The following SLC25A26 variants were observed in gnomAD, a reference collection of about 807,000 sequenced individuals.
SLC25A26 encodes mitochondrial S-adenosylmethionine carrier protein.
A neutral mutation model predicts 37.8 loss-of-function variants in SLC25A26; 36 were observed. The ratio of observed to expected loss-of-function variants is 0.95; its 90% CI spans 0.73 to 1.26. The LOEUF (loss-of-function observed/expected upper bound fraction) is 1.26, where lower values mean the gene tolerates loss of function less well. Ranked by LOEUF, SLC25A26 falls within the 50% of genes most tolerant of loss-of-function variation. SLC25A26 has a pLI of 0.00. For missense variants in SLC25A26, 390 were observed against 331.1 expected, an observed-to-expected ratio of 1.18 and a Z score of -1.38; for synonymous variants, 129 against 122.5, an observed-to-expected ratio of 1.05 and a Z score of -0.35.
intron 6 of SLC25A26, among the ~76,000 whole-genome samples, chr3:66,349,838 C>G (rs1406187146): frequency 6.6e-6 from 1 of 152,136 alleles, no homozygotes; most frequent in African/African-American, 2.4e-5. Flanking sequence ...TATGAGAGTT[C>G]TAGTTGCTCT....
Position 66,303,523 on chromosome 3 carries a change from T to C in SLC25A26, c.453+40144T>C, listed in dbSNP as rs2075133297. ...GTAAGTCAGAAAATATTGTAGGACT[T>C]CTGAAACTTTAACTGCCAGTCAAGA... On this transcript the variant is annotated intron_variant, in intron 5 of 9. Coordinates refer to ENST00000354883, the MANE Select transcript of SLC25A26 (RefSeq NM_001379210.1). Among the ~76,000 whole-genome samples, 6 of 152,212 alleles carry C rather than the reference T, an allele frequency of 3.9e-5. No homozygotes were observed. The South Asian group carries it at 1.2e-3, about 32-fold the overall frequency.
chr3:66,141,124 A>G (rs1465358207), intron 1 of SLC25A26, among the ~76,000 whole-genome samples: 2 of 151,762 alleles, frequency 1.3e-5, no homozygotes, highest in African/African-American at 4.8e-5. Context: ...GACAGATTGT[A>G]TTTATGTCAA....
chr3:66,182,088 C>T lies in SLC25A26; in HGVS notation c.-353-38654C>T, dbSNP rs143408972. On this transcript the variant is annotated intron_variant, in intron 1 of 10. Transcript: ENST00000676754. ...CTCTTTTCTTATCTGAAAACTGACA[C>T]GAAGCACAGGCAACTAGGACAAAAA... 2.5e-3 allele frequency among the ~76,000 whole-genome samples: 379 copies of T among 152,212 alleles called. 1 individual carries two copies. The highest frequency in any genetic ancestry group is 6.4e-3 in the African/African-American group (267 of 41,536).
intron 5 of SLC25A26, among the ~76,000 whole-genome samples, chr3:66,314,148 A>G (rs2075463857): frequency 1.3e-5 from 2 of 152,246 alleles, no homozygotes; most frequent in South Asian, 4.2e-4. Context: ...AGAACTTCCA[A>G]TACTATGTTG....
At chr3:66,190,876 C>G (rs1353855439) in intron 1 of SLC25A26, among the ~76,000 whole-genome samples, 3 of 152,290 alleles carry the variant, frequency 2.0e-5, no homozygotes, top group Middle Eastern at 3.4e-3. Flanking sequence ...ACATATATAG[C>G]ATAGGTTCCT....
intron 1 of SLC25A26, among the ~76,000 whole-genome samples, chr3:66,190,268 T>C (rs1478765078): frequency 6.6e-6 from 1 of 150,962 alleles, no homozygotes; most frequent in Admixed American, 6.6e-5. Flanking sequence ...TGAGCTGAGA[T>C]TGCACCACTG....
intron 5 of SLC25A26, 82 bp downstream of exon 5, chr3:66,263,461 A>C: frequency 1.2e-6 from 1 of 844,108 alleles, no homozygotes; most frequent in South Asian, 1.6e-5. Flanking sequence ...AACAATTAGA[A>C]ATATATTTGG....
intron 6 of SLC25A26, among the ~76,000 whole-genome samples, chr3:66,361,341 A>G (rs926711181): frequency 1.3e-5 from 2 of 152,234 alleles, no homozygotes; most frequent in African/African-American, 4.8e-5. Context: ...TGAGTTAGGC[A>G]AAGATTTCTT....
At chr3:66,263,199 A>G in intron 4 of SLC25A26, 133 bp from the exon 5 acceptor site, 1 of 686,876 alleles carries the variant, frequency 1.5e-6, no homozygotes, top group Non-Finnish European at 2.6e-6. Flanking sequence ...TAGAATCATT[A>G]ACCTCTTAGA....
At chr3:66,267,392 A>G (rs746931098) in intron 5 of SLC25A26, among the ~76,000 whole-genome samples, 2 of 152,184 alleles carry the variant, frequency 1.3e-5, no homozygotes, top group Non-Finnish European at 2.9e-5. Flanking sequence ...AGGGCCTTCA[A>G]GAGAGCACGA....
At chr3:66,275,476 C>T (rs377133434) in intron 5 of SLC25A26, among the ~76,000 whole-genome samples, 100 of 152,126 alleles carry the variant, frequency 6.6e-4, no homozygotes, top group East Asian at 2.1e-3. Flanking sequence ...AGATGCCTCC[C>T]GTTTTGTTCC....
At chr3:66,163,583 G>T (rs559394872) in intron 1 of SLC25A26, among the ~76,000 whole-genome samples, 1 of 152,178 alleles carries the variant, frequency 6.6e-6, no homozygotes, top group Non-Finnish European at 1.5e-5. Context: ...ATGCTCTCAT[G>T]ACTTCTACAT....
intron 1 of SLC25A26, among the ~76,000 whole-genome samples, chr3:66,156,263 G>A (rs1254260383): frequency 6.6e-6 from 1 of 152,192 alleles, no homozygotes; most frequent in African/African-American, 2.4e-5. Flanking sequence ...AACAGGCACT[G>A]TTCCAGATGC....
At chr3:66,218,506 C>T (rs993939738), upstream of SLC25A26, among the ~76,000 whole-genome samples, 39,463 of 152,050 alleles carry the variant, frequency 0.26, 5,770 homozygotes, top group African/African-American at 0.39. Context: ...TGGTGTTCAC[C>T]GGCATTTCCC....
At chr3:66,255,079 C>T (rs1559622207) in intron 3 of SLC25A26, among the ~76,000 whole-genome samples, 1 of 152,216 alleles carries the variant, frequency 6.6e-6, no homozygotes, top group East Asian at 1.9e-4. Context: ...AAAGTGAGGC[C>T]GAAGTTCACT....
chr3:66,224,289 A>G (rs1553659686), intron 1 of SLC25A26, among the ~76,000 whole-genome samples: 1 of 152,226 alleles, frequency 6.6e-6, no homozygotes, highest in East Asian at 1.9e-4. Context: ...TAATTTATAA[A>G]GGAAAGAGTC....
At chr3:66,286,888 C>G (rs774421402) in intron 5 of SLC25A26, among the ~76,000 whole-genome samples, 14 of 152,174 alleles carry the variant, frequency 9.2e-5, no homozygotes, top group African/African-American at 3.4e-4. Flanking sequence ...GTGTTGAACC[C>G]CTGGCCTCAT....
chr3:66,350,135 T>G (rs7642893), intron 6 of SLC25A26, among the ~76,000 whole-genome samples: 7,135 of 152,256 alleles, frequency 0.047, 541 homozygotes, highest in African/African-American at 0.16. Context: ...TGAAAGGATT[T>G]CTCCACTGTG....
chr3:66,267,467 G>T (rs1388365488), intron 5 of SLC25A26, among the ~76,000 whole-genome samples: 1 of 152,182 alleles, frequency 6.6e-6, no homozygotes. Flanking sequence ...AGGGACTGGA[G>T]TGGAGAATTT....
Sources: gnomAD v4.1 joint callset for allele counts (sites outside exome capture counted in the v4.1 genomes callset) on GRCh38, gnomAD v4.1.1 for gene constraint, MANE v1.5 for transcripts, NCBI Gene and HGNC (gene_info 2026-07-23, HGNC 2026-07-21) for gene names.